Variants in GPR158 observed in about 807,000 individuals in gnomAD.
GPR158 encodes the protein metabotropic glycine receptor.
In GPR158, 30 loss-of-function variants were observed where a neutral mutation model predicts 78.2. That is an observed-to-expected ratio of 0.38 (90% CI 0.29 to 0.52). The LOEUF (loss-of-function observed/expected upper bound fraction) is 0.52. Ranked by LOEUF, GPR158 falls within the 20% of genes least tolerant of loss-of-function variation. The pLI is 0.83. For missense variants in GPR158, 1,463 were observed against 1,523.5 expected, an observed-to-expected ratio of 0.96 and a Z score of 0.66; for synonymous variants, 581 against 591.1, an observed-to-expected ratio of 0.98 and a Z score of 0.25.
intron 2 of GPR158, among the ~76,000 whole-genome samples, chr10:25,311,709 T>C (rs79200159): frequency 3.3e-5 from 5 of 152,170 alleles, no homozygotes; most frequent in African/African-American, 1.2e-4. Flanking sequence ...CCCAAGACTT[T>C]TTGATTATGT....
chr10:25,189,766 C>A (rs1182349000), intron 1 of GPR158, among the ~76,000 whole-genome samples: 1 of 147,876 alleles, frequency 6.8e-6, no homozygotes, highest in African/African-American at 2.5e-5. Context: ...TCACATGTAC[C>A]CTAGAACTTA....
intron 5 of GPR158, among the ~76,000 whole-genome samples, chr10:25,529,677 T>A (rs1836397564): frequency 6.6e-6 from 1 of 152,182 alleles, no homozygotes; most frequent in African/African-American, 2.4e-5. Flanking sequence ...AACACCCAAA[T>A]CACTTAGATG....
chr10:25,235,797 C>T (rs909417633), intron 2 of GPR158, among the ~76,000 whole-genome samples: 16 of 150,352 alleles, frequency 1.1e-4, no homozygotes, highest in South Asian at 4.3e-4. Context: ...CCCGGGTTCA[C>T]GCCATTCTCC....
chr10:25,362,438 C>T (rs1187692730), intron 2 of GPR158, among the ~76,000 whole-genome samples: 1 of 151,688 alleles, frequency 6.6e-6, no homozygotes, highest in African/African-American at 2.4e-5. Context: ...TATTTGGGCT[C>T]CCTTGATATT....
intron 2 of GPR158, among the ~76,000 whole-genome samples, chr10:25,375,012 A>G (rs965914661): frequency 6.6e-6 from 1 of 151,724 alleles, no homozygotes; most frequent in East Asian, 1.9e-4. Context: ...CCTATGATCA[A>G]TATCTGAGAG....
chr10:25,411,846 AT>A (rs779655330), intron 3 of GPR158, among the ~76,000 whole-genome samples: 14 of 145,084 alleles, frequency 9.6e-5, no homozygotes, highest in Non-Finnish European at 1.7e-4. Flanking sequence ...AGGCAGGAGA[AT>A]GGTGTGAACC....
At chr10:25,420,127 T>C (rs1454898961) in intron 4 of GPR158, among the ~76,000 whole-genome samples, 1 of 152,206 alleles carries the variant, frequency 6.6e-6, no homozygotes, top group Non-Finnish European at 1.5e-5. Flanking sequence ...ACTTTCTTAA[T>C]AGGGTCTTTT....
At chr10:25,397,221 A>G (rs539300017) in intron 3 of GPR158, among the ~76,000 whole-genome samples, 1 of 152,212 alleles carries the variant, frequency 6.6e-6, no homozygotes, top group Non-Finnish European at 1.5e-5. Context: ...AAACTTGGTC[A>G]TCTGGTTATT....
chr10:25,274,035 G>C (rs908811610), intron 2 of GPR158, among the ~76,000 whole-genome samples: 3 of 152,144 alleles, frequency 2.0e-5, no homozygotes, highest in African/African-American at 7.2e-5. Flanking sequence ...GGTTTAGAAA[G>C]AGACAAGTTG....
rs773519651 is a variant in GPR158 at position 25,176,360 on chromosome 10, G to A, written c.902+38G>A. 8 of 1,465,312 alleles carry A rather than the reference G, an allele frequency of 5.5e-6. No homozygotes were observed. In the East Asian group the frequency reaches 1.6e-4, roughly 29 times the overall value. The allele number at this position is 1,465,312 out of a possible 1,614,324, so 90.8% of individuals were successfully genotyped here. On this transcript the variant is annotated intron_variant, in intron 1 of 10. Transcript: ENST00000376351. This position sits in a 1 kb window ranked among gnomAD's most constrained non-coding sequence, Gnocchi z 6.3. The stretch of plus-strand genomic sequence containing the variant: ...GGGGGGCAGGGGGGAAGGCAAAAGC[G>A]AAGCTTTCCTTCCGGTCTTGTGGGT...
intron 5 of GPR158, among the ~76,000 whole-genome samples, chr10:25,519,759 G>A (rs1440435246): frequency 2.9e-5 from 3 of 102,326 alleles, no homozygotes; most frequent in African/African-American, 1.5e-4. Context: ...AGTCTGATGG[G>A]CTTCCCTTTG....
chr10:25,184,276 G>A (rs1852652436), intron 1 of GPR158, among the ~76,000 whole-genome samples: 1 of 152,072 alleles, frequency 6.6e-6, no homozygotes, highest in Admixed American at 6.6e-5. Flanking sequence ...ATAGTTCATG[G>A]CATTCCTAGG....
rs1391260160 is a variant in GPR158 at position 25,203,967 on chromosome 10, G to T, written c.903-17085G>T. Among the ~76,000 whole-genome samples, 15 of 128,150 alleles carry T rather than the reference G, an allele frequency of 1.2e-4. 2 individuals are homozygous for T. Among genetic ancestry groups the T allele is most frequent in the African/African-American group, 4.7e-4 (15 of 31,808 alleles). The allele number at this position is 128,150 out of a possible 152,430, so 84.1% of individuals were successfully genotyped here. ...TGGTTTGTACTTCTCCTTGAAGAGGGCCTTCACGTCCCTTGTAAGTGGGAT... is the reference window on the plus strand; with the variant it reads ...TGGTTTGTACTTCTCCTTGAAGAGGTCCTTCACGTCCCTTGTAAGTGGGAT... On this transcript the variant is annotated intron_variant, in intron 1 of 10. Coordinates refer to ENST00000376351, the MANE Select transcript of GPR158 (RefSeq NM_020752.3).
At chr10:25,201,160 G>A (rs1026185795) in intron 1 of GPR158, among the ~76,000 whole-genome samples, 2 of 151,808 alleles carry the variant, frequency 1.3e-5, no homozygotes, top group Non-Finnish European at 2.9e-5. Context: ...TCCATTTTTT[G>A]TGTCATCTCT....
intron 5 of GPR158, among the ~76,000 whole-genome samples, chr10:25,544,954 A>G (rs10218998): frequency 0.57 from 86,527 of 152,016 alleles, 26,628 homozygotes; most frequent in African/African-American, 0.81. Flanking sequence ...GAGAACATGC[A>G]GTGTTTGGTT....
chr10:25,466,493 A>T, intron 4 of GPR158, 158 bp from the exon 5 acceptor site: 2 of 525,078 alleles, frequency 3.8e-6, no homozygotes, highest in African/African-American at 1.9e-5. Flanking sequence ...TGCATGTTCT[A>T]GTTTTTTACC....
chr10:25,399,413 A>T (rs1292505803), intron 3 of GPR158, among the ~76,000 whole-genome samples: 3 of 152,020 alleles, frequency 2.0e-5, no homozygotes, highest in Non-Finnish European at 2.9e-5. Flanking sequence ...AGAAGTGCAA[A>T]CCCTAATGTG....
intron 2 of GPR158, among the ~76,000 whole-genome samples, chr10:25,315,513 T>C (rs1251481863): frequency 4.6e-5 from 7 of 152,170 alleles, no homozygotes; most frequent in Non-Finnish European, 2.9e-5. Context: ...TAGCATGTAG[T>C]TGAGTCTTAT....
intron 5 of GPR158, among the ~76,000 whole-genome samples, chr10:25,520,447 G>A (rs1396832376): frequency 8.0e-5 from 12 of 150,568 alleles, no homozygotes; most frequent in Non-Finnish European, 8.8e-5. Context: ...GAGGAGAGGC[G>A]TTCTGCGTTT....
Sources: gnomAD v4.1 joint callset for allele counts (sites outside exome capture counted in the v4.1 genomes callset) on GRCh38, gnomAD v4.1.1 for gene constraint, Gnocchi (gnomAD v3.1) non-coding constraint, MANE v1.5 for transcripts, NCBI Gene and HGNC (gene_info 2026-07-23, HGNC 2026-07-21) for gene names.